Variants in TXNDC16 observed in about 807,000 individuals in gnomAD.
TXNDC16 encodes the protein thioredoxin domain containing 16.
A neutral mutation model predicts 85.6 loss-of-function variants in TXNDC16; 74 were observed. The ratio of observed to expected loss-of-function variants is 0.86; its 90% CI spans 0.72 to 1.05. The LOEUF is 1.05. Ranked by LOEUF, TXNDC16 falls within the 50% of genes least tolerant of loss-of-function variation. The pLI is 0.00. For synonymous variants in TXNDC16, 335 were observed against 326.5 expected, an observed-to-expected ratio of 1.03 and a Z score of -0.28; for missense variants, 959 against 947.0, an observed-to-expected ratio of 1.01 and a Z score of -0.17.
chr14:52,533,865 C>T lies in TXNDC16; in HGVS notation c.392+2854G>A, dbSNP rs569815984. 4.6e-5 allele frequency among the ~76,000 whole-genome samples: 7 copies of T among 152,110 alleles called. No individual in the cohort carries two copies. The South Asian group carries it at 6.2e-4, about 13-fold the overall frequency. On this transcript the variant is annotated intron_variant, in intron 6 of 20. Coordinates refer to ENST00000281741, the MANE Select transcript of TXNDC16 (RefSeq NM_020784.3). ...CTCAAAGATAAGAAAAGCACCTTAG[C>T]CAAGGGCTCTGGTAAGGAGGCCTCA...
chr14:52,502,412 T>C (rs921897302), intron 9 of TXNDC16, among the ~76,000 whole-genome samples: 15 of 152,138 alleles, frequency 9.9e-5, no homozygotes, highest in African/African-American at 2.7e-4. Flanking sequence ...CAAAGTACCA[T>C]TGACATTGTA....
At chr14:52,508,389 T>C (rs1379737726) in intron 9 of TXNDC16, among the ~76,000 whole-genome samples, 1 of 152,218 alleles carries the variant, frequency 6.6e-6, no homozygotes, top group Admixed American at 6.5e-5. Flanking sequence ...TCAGTTAGAA[T>C]GGCGATCATT....
At chr14:52,486,787 G>A (rs2036282768) in intron 12 of TXNDC16, among the ~76,000 whole-genome samples, 1 of 152,060 alleles carries the variant, frequency 6.6e-6, no homozygotes, top group African/African-American at 2.4e-5. Flanking sequence ...AGGCAAAGCT[G>A]CAAAAGAAAT....
At chr14:52,434,280 C>T (rs1257099994) in intron 20 of TXNDC16, among the ~76,000 whole-genome samples, 1 of 152,154 alleles carries the variant, frequency 6.6e-6, no homozygotes, top group African/African-American at 2.4e-5. Context: ...TGCGGCCTAG[C>T]GGTCTGAGAC....
intron 16 of TXNDC16, among the ~76,000 whole-genome samples, chr14:52,466,453 AG>A (rs2035777464): frequency 6.7e-6 from 1 of 150,260 alleles, no homozygotes; most frequent in African/African-American, 2.4e-5. Context: ...CTTCCACAAG[AG>A]GGAGTCCAAA....
chr14:52,493,235 AT>A (rs1204199225), intron 9 of TXNDC16, among the ~76,000 whole-genome samples: 2 of 147,702 alleles, frequency 1.4e-5, no homozygotes, highest in Non-Finnish European at 3.0e-5. Context: ...ACACACACAC[AT>A]ATTTAAAAGT....
chr14:52,447,518 CCT>C (rs2035312618), intron 18 of TXNDC16, among the ~76,000 whole-genome samples: 1 of 152,164 alleles, frequency 6.6e-6, no homozygotes, highest in African/African-American at 2.4e-5. Context: ...GGTGGTGGCC[CCT>C]GAGGGTGGTT....
At position 52,521,216 on chromosome 14, in the gene TXNDC16, G is replaced by T. The variant is rs575284443; in HGVS notation, c.393-1923C>A. Among the ~76,000 whole-genome samples the T allele has an allele frequency of 2.6e-5, 4 of 151,546 alleles. No homozygotes were observed. The East Asian group carries it at 7.8e-4, about 29-fold the overall frequency. On this transcript the variant is annotated intron_variant, in intron 6 of 20. Transcript: ENST00000281741. ...CAACCTCCCCACCCTGGGTTCAAGT[G>T]ATTCTTCTGCGTCAGCCTCCCGAGT...
At chr14:52,465,166 T>C (rs11625685) in intron 16 of TXNDC16, among the ~76,000 whole-genome samples, 13,106 of 152,214 alleles carry the variant, frequency 0.086, 621 homozygotes, top group East Asian at 0.14. Context: ...GCAAACATAA[T>C]GCTAGACCAG....
intron 9 of TXNDC16, among the ~76,000 whole-genome samples, chr14:52,507,097 T>A (rs2140176768): frequency 6.6e-6 from 1 of 152,244 alleles, no homozygotes; most frequent in East Asian, 1.9e-4. Context: ...TAAAGGGTAT[T>A]CAATCAGGAA....
chr14:52,552,272 T>G (rs1011137556), intron 1 of TXNDC16, 44 bp downstream of exon 1: 2 of 152,472 alleles, frequency 1.3e-5, no homozygotes, highest in Non-Finnish European at 2.9e-5. Context: ...TCCCCGGGTC[T>G]GCAGGCAGAG....
chr14:52,443,510 G>C (rs1373394713), intron 18 of TXNDC16, among the ~76,000 whole-genome samples: 2 of 152,226 alleles, frequency 1.3e-5, no homozygotes, highest in Non-Finnish European at 2.9e-5. Context: ...CCTGGATAAA[G>C]AATAAGATCT....
intron 16 of TXNDC16, among the ~76,000 whole-genome samples, chr14:52,467,400 A>G (rs2035802083): frequency 6.6e-6 from 1 of 152,190 alleles, no homozygotes; most frequent in Admixed American, 6.6e-5. Context: ...TTTCTGCAAC[A>G]AAAATATAAA....
intron 7 of TXNDC16, 131 bp from the exon 8 acceptor site, chr14:52,515,101 G>C (rs866641949): frequency 1.9e-6 from 1 of 536,366 alleles, no homozygotes; most frequent in Non-Finnish European, 3.1e-6. Context: ...CCTTCACAGG[G>C]ATACTAGTTG....
At chr14:52,535,527 A>ACAGCCAATGT (rs2037679761) in intron 6 of TXNDC16, among the ~76,000 whole-genome samples, 1 of 152,182 alleles carries the variant, frequency 6.6e-6, no homozygotes, top group East Asian at 1.9e-4. Flanking sequence ...GCAGAAAAAG[A>ACAGCCAATGT]CAGCCAATGT....
At chr14:52,451,024 A>C (rs2035398604) in intron 18 of TXNDC16, among the ~76,000 whole-genome samples, 1 of 151,992 alleles carries the variant, frequency 6.6e-6, no homozygotes, top group South Asian at 2.1e-4. Context: ...GTAACTCAAG[A>C]ATGGAAAATC....
At chr14:52,469,437 T>C (rs1412929125) in intron 16 of TXNDC16, among the ~76,000 whole-genome samples, 1 of 152,140 alleles carries the variant, frequency 6.6e-6, no homozygotes, top group African/African-American at 2.4e-5. Context: ...AGAATATCAA[T>C]ACATCATTGT....
chr14:52,454,435 A>C (rs539968522), intron 18 of TXNDC16, among the ~76,000 whole-genome samples: 13 of 151,668 alleles, frequency 8.6e-5, no homozygotes, highest in Non-Finnish European at 1.6e-4. Flanking sequence ...TAAAAAAAAA[A>C]AAAAAACAAA....
rs967620053 is a variant in TXNDC16 at position 52,455,463 on chromosome 14, C to G, written c.1704-1G>C. 1 of 1,613,408 alleles carries G rather than the reference C, an allele frequency of 6.2e-7. No individual in the cohort carries two copies. Among genetic ancestry groups the G allele is most frequent in the Non-Finnish European group, 8.5e-7 (1 of 1,179,764 alleles). ...AAGACTTGCAGCATATTTGGTTGAC[C>G]TATGGAGAAAGGCAGTATTAAAATT... is the stretch of plus-strand genomic sequence containing the variant. On this transcript the variant is annotated splice_acceptor_variant, in intron 17 of 20. Transcript: ENST00000281741. LOFTEE classifies it high-confidence loss of function.
Sources: gnomAD v4.1 joint callset for allele counts (sites outside exome capture counted in the v4.1 genomes callset) on GRCh38, gnomAD v4.1.1 for gene constraint, MANE v1.5 for transcripts, NCBI Gene and HGNC (gene_info 2026-07-23, HGNC 2026-07-21) for gene names.